GSTA5: variants seen among roughly 807,000 people sequenced by gnomAD.
GSTA5 encodes glutathione S-transferase A5.
In GSTA5, 25 loss-of-function variants were observed where a neutral mutation model predicts 21.8. The observed-to-expected ratio is 1.14, with a 90% CI of 0.83 to 1.60. GSTA5 has a LOEUF of 1.60. Ranked by LOEUF, GSTA5 falls within the 40% of genes most tolerant of loss-of-function variation. The probability of loss-of-function intolerance (pLI) is 0.00; values close to 1 mark genes in which losing one functional copy is unlikely to be tolerated. For synonymous variants in GSTA5, 102 were observed against 89.5 expected (o/e 1.14, Z -0.78); for missense variants, 330 against 259.2 (o/e 1.27, Z -1.88).
intron 5 of GSTA5, 96 bp from the exon 6 acceptor site, chr6:52,832,066 A>G: frequency 6.6e-7 from 1 of 1,511,118 alleles, no homozygotes; most frequent in South Asian, 1.4e-5. Flanking sequence ...CCAAAGACCA[A>G]GCGAGTCCCC....
intron 4 of GSTA5, among the ~76,000 whole-genome samples, chr6:52,833,237 A>C (rs4715348): frequency 6.6e-6 from 1 of 152,114 alleles, no homozygotes; most frequent in African/African-American, 2.4e-5. Flanking sequence ...GTGTCTACAC[A>C]ACCCACCCAG....
Position 52,837,613 on chromosome 6 carries a change from G to C in GSTA5, c.88-4C>G. ...ATTCTAGAAATTTCTCTTCCAACTG[G>C]AAGCAGAAACAGTAAATGGGTTCTT... On this transcript the variant is annotated splice_polypyrimidine_tract_variant and splice_region_variant and intron_variant, in intron 1 of 5. Transcript: ENST00000370989. 2 of 1,603,780 alleles carry C rather than the reference G, an allele frequency of 1.2e-6. No homozygotes were observed. Among genetic ancestry groups the C allele is most frequent in the Non-Finnish European group, 1.7e-6 (2 of 1,171,206 alleles).
exon 5 of GSTA5, chr6:52,832,965 T>G (rs1479805448): frequency 3.1e-6 from 5 of 1,614,086 alleles, no homozygotes; most frequent in Non-Finnish European, 4.2e-6. Context: ...GCCAACAAGG[T>G]AGTCTTGTCT....
chr6:52,834,252 A>G (rs541562721), exon 4 of GSTA5: 2 of 1,614,024 alleles, frequency 1.2e-6, no homozygotes, highest in Non-Finnish European at 1.7e-6. Context: ...TTTCAGTCAA[A>G]TCTACTATAC....
At chr6:52,833,878 T>A (rs1447870416) in intron 4 of GSTA5, among the ~76,000 whole-genome samples, 3 of 152,204 alleles carry the variant, frequency 2.0e-5, no homozygotes, top group African/African-American at 7.2e-5. Flanking sequence ...GTTCTACTTA[T>A]GAATATGAAA....
intron 1 of GSTA5, among the ~76,000 whole-genome samples, chr6:52,838,431 T>G (rs1225590041): frequency 5.3e-5 from 8 of 152,236 alleles, no homozygotes; most frequent in Non-Finnish European, 1.0e-4. Context: ...AAGTAGCAGG[T>G]GTATAGTAAC....
chr6:52,835,947 A>G (rs1764286056), intron 3 of GSTA5, among the ~76,000 whole-genome samples: 1 of 152,170 alleles, frequency 6.6e-6, no homozygotes, highest in Non-Finnish European at 1.5e-5. Context: ...TACCTGAATC[A>G]TGATTCCCCA....
chr6:52,836,159 A>G lies in GSTA5; in HGVS notation c.272+77T>C, dbSNP rs1319055697. ...CTGCTGCTGGTCATGATGCCCTGCC[A>G]TGGTCCCACCCACTCAAAGAAGGAC... is the stretch of plus-strand genomic sequence containing the variant. On this transcript the variant is annotated intron_variant, in intron 3 of 5. Transcript: ENST00000370989. 8 of 1,527,002 alleles carry G rather than the reference A, an allele frequency of 5.2e-6. No individual in the cohort carries two copies. In the East Asian group the frequency reaches 9.0e-5, roughly 17 times the overall value. The allele number at this position is 1,527,002 out of a possible 1,614,324, so 94.6% of individuals were successfully genotyped here. A position where few individuals can be genotyped will look rare whatever the true frequency, so the allele number is the denominator to read the frequency against.
rs1262192808 is a variant in GSTA5, at chr6:52,840,594, T to C, written c.87+133A>G. The C allele has an allele frequency of 1.2e-5, 10 of 834,262 alleles. No individual in the cohort carries two copies. In the South Asian group the frequency reaches 1.5e-4, roughly 12 times the overall value. 51.7% of individuals were successfully genotyped at this position (834,262 alleles called of 1,614,324 possible). A position where few individuals can be genotyped will look rare whatever the true frequency, so the allele number is the denominator to read the frequency against. On this transcript the variant is annotated intron_variant, in intron 1 of 5. Coordinates refer to ENST00000370989, the Ensembl canonical transcript of GSTA5. ...AATTTTTAGGTCAAATCTATTCATC[T>C]TTTTCTTAATTACAGTCCATTTTTA...
At chr6:52,843,924 A>G (rs1359150182), upstream of GSTA5, among the ~76,000 whole-genome samples, 8 of 152,306 alleles carry the variant, frequency 5.3e-5, no homozygotes, top group Middle Eastern at 3.4e-3. Flanking sequence ...ATCGCCTCTC[A>G]ATATGAGGTT....
At chr6:52,842,582 T>A (rs1764393897), upstream of GSTA5, among the ~76,000 whole-genome samples, 1 of 152,062 alleles carries the variant, frequency 6.6e-6, no homozygotes, top group Non-Finnish European at 1.5e-5. Context: ...ATTTTGTATT[T>A]TTTGTAGAGA....
chr6:52,840,954 G>A (rs1047206562), upstream of GSTA5: 4 of 693,882 alleles, frequency 5.8e-6, no homozygotes, highest in East Asian at 5.7e-5. Context: ...TCATGACTGG[G>A]TTGAAGGAGT....
At chr6:52,842,668 G>A (rs1581819472), upstream of GSTA5, among the ~76,000 whole-genome samples, 1 of 152,084 alleles carries the variant, frequency 6.6e-6, no homozygotes, top group East Asian at 1.9e-4. Context: ...GCCTTCCAAA[G>A]TGCTGGAATT....
At chr6:52,839,255 C>T (rs6923322) in intron 1 of GSTA5, among the ~76,000 whole-genome samples, 6,538 of 152,206 alleles carry the variant, frequency 0.043, 226 homozygotes, top group South Asian at 0.13. Flanking sequence ...CTGCAGTCAG[C>T]CCTGCCCCCG....
chr6:52,836,344 A>C, exon 3 of GSTA5: 5 of 1,613,454 alleles, frequency 3.1e-6, no homozygotes, highest in Non-Finnish European at 4.2e-6. Flanking sequence ...AACCATTGGT[A>C]CTTGCTGGAA....
intron 5 of GSTA5, among the ~76,000 whole-genome samples, 183 bp from the exon 6 acceptor site, chr6:52,832,153 T>C (rs746982826): frequency 2.6e-5 from 4 of 152,190 alleles, no homozygotes; most frequent in Non-Finnish European, 4.4e-5. Flanking sequence ...TGTAGCTCAC[T>C]TTATTTTCCC....
At chr6:52,836,209 G>C in intron 3 of GSTA5, 27 bp downstream of exon 3, 1 of 1,609,962 alleles carries the variant, frequency 6.2e-7, no homozygotes, top group Non-Finnish European at 8.5e-7. Flanking sequence ...GTTCTCTGTG[G>C]ATGGAAGAAC....
rs370685000 is a variant in GSTA5 at position 52,837,152 on chromosome 6, G to A, written c.139+406C>T. ...TAGTGCCACAGTGTTACTTTGTCACGCCCCCCCATGAAAGAAAAACCTCAA... is the reference window on the plus strand; with the variant it reads ...TAGTGCCACAGTGTTACTTTGTCACACCCCCCCATGAAAGAAAAACCTCAA... On this transcript the variant is annotated intron_variant, in intron 2 of 5. Coordinates refer to ENST00000370989, the Ensembl canonical transcript of GSTA5. 1.8e-4 allele frequency among the ~76,000 whole-genome samples: 28 copies of A among 151,930 alleles called. No homozygotes were observed. The East Asian group carries it at 2.5e-3, about 14-fold the overall frequency.
chr6:52,839,871 G>C (rs1328237565), intron 1 of GSTA5, among the ~76,000 whole-genome samples: 1 of 152,200 alleles, frequency 6.6e-6, no homozygotes, highest in Non-Finnish European at 1.5e-5. Context: ...AAGCCTCCAC[G>C]CCTCATTTTA....
Sources: gnomAD v4.1 joint callset for allele counts (sites outside exome capture counted in the v4.1 genomes callset) on GRCh38, gnomAD v4.1.1 for gene constraint, MANE v1.5 for transcripts, NCBI Gene and HGNC (gene_info 2026-07-23, HGNC 2026-07-21) for gene names.